SEZ6L: variants seen among roughly 807,000 people sequenced by gnomAD.
SEZ6L encodes the protein seizure related 6 homolog like.
SEZ6L carries 37 observed loss-of-function variants against 106.2 expected under a neutral mutation model. The observed-to-expected ratio is 0.35, with a 90% confidence interval of 0.27 to 0.46. SEZ6L has a LOEUF of 0.46. Among genes scored for constraint, SEZ6L ranks in the 20% least tolerant of loss-of-function variants. The probability of loss-of-function intolerance (pLI) is 1.00; values close to 1 mark genes in which losing one functional copy is unlikely to be tolerated. For synonymous variants in SEZ6L, 541 were observed against 570.4 expected (o/e 0.95, Z 0.73); for missense variants, 1,172 against 1,332.8 (o/e 0.88, Z 1.88).
At chr22:26,173,867 A>G (rs909127031) in intron 1 of SEZ6L, among the ~76,000 whole-genome samples, 2 of 152,042 alleles carry the variant, frequency 1.3e-5, no homozygotes, top group African/African-American at 4.8e-5. Flanking sequence ...AAATGAACTA[A>G]TCTTTATCAT....
Position 26,347,816 on chromosome 22 carries a change from C to G in SEZ6L, c.2310C>G (p.Thr770=), listed in dbSNP as rs1212606638. 4 of 1,607,864 alleles carry G rather than the reference C, an allele frequency of 2.5e-6. No individual in the cohort carries two copies. Among genetic ancestry groups the G allele is most frequent in the Non-Finnish European group, 3.4e-6 (4 of 1,177,962 alleles). The change falls in exon 11 of 17, where the codon ACC becomes ACG. Residue 770 remains threonine (T), a synonymous_variant. Coordinates refer to ENST00000248933, the MANE Select transcript of SEZ6L (RefSeq NM_021115.5). Reference sequence around the variant, plus strand: ...AGTTGGTGCGGGGAGCCAGAATCACCTACCAGTGTGACCCCGGCTATGACA... The same window carrying G: ...AGTTGGTGCGGGGAGCCAGAATCACGTACCAGTGTGACCCCGGCTATGACA... ...HTELVRGARI[T]YQCDPGYDIV... is the part of the protein sequence containing the mutation.
rs555813970 is a variant in SEZ6L at position 26,195,776 on chromosome 22, A to ATATATAGTG, written c.94+26015_94+26023dup. ...GTATATGTATAGTGTGTATGTACATATATATAGTGTGTGTATATATATATA... is the reference window on the plus strand; with the variant it reads ...GTATATGTATAGTGTGTATGTACATATATATAGTGTATATAGTGTGTGTATATATATATA... On this transcript the variant is annotated intron_variant, in intron 1 of 16. Coordinates refer to ENST00000248933, the MANE Select transcript of SEZ6L (RefSeq NM_021115.5). Among the ~76,000 whole-genome samples, 581 of 151,382 alleles carry ATATATAGTG rather than the reference A, an allele frequency of 3.8e-3. 8 individuals carry two copies. Among genetic ancestry groups the ATATATAGTG allele is most frequent in the South Asian group, 8.3e-3 (40 of 4,816 alleles).
chr22:26,196,710 A>G (rs1349785409), intron 1 of SEZ6L, among the ~76,000 whole-genome samples: 1 of 152,154 alleles, frequency 6.6e-6, no homozygotes, highest in Non-Finnish European at 1.5e-5. Context: ...TCAGTGAGGC[A>G]GACTGGTGGT....
intron 1 of SEZ6L, among the ~76,000 whole-genome samples, chr22:26,217,897 G>A (rs1007193053): frequency 6.6e-6 from 1 of 152,234 alleles, no homozygotes; most frequent in Non-Finnish European, 1.5e-5. Context: ...AATTCTGAAC[G>A]TAGAAGACAC....
At chr22:26,370,253 C>T (rs1353583223) in intron 13 of SEZ6L, among the ~76,000 whole-genome samples, 9 of 151,912 alleles carry the variant, frequency 5.9e-5, no homozygotes, top group African/African-American at 1.7e-4. Context: ...GGTGTGGTGG[C>T]GGGCGCCTGT....
chr22:26,375,069 C>A (rs1029993666), intron 14 of SEZ6L, among the ~76,000 whole-genome samples: 1 of 152,074 alleles, frequency 6.6e-6, no homozygotes, highest in Non-Finnish European at 1.5e-5. Flanking sequence ...CAGGTGAGCA[C>A]CAGGTCTGAG....
At chr22:26,308,028 G>A (rs1465994217) in intron 6 of SEZ6L, among the ~76,000 whole-genome samples, 2 of 152,070 alleles carry the variant, frequency 1.3e-5, no homozygotes, top group South Asian at 2.1e-4. Context: ...AGTTCATCAA[G>A]GTTAAAGGTC....
At chr22:26,270,616 C>T (rs1394327898) in intron 1 of SEZ6L, among the ~76,000 whole-genome samples, 1 of 152,008 alleles carries the variant, frequency 6.6e-6, no homozygotes, top group Non-Finnish European at 1.5e-5. Flanking sequence ...GGGAGAGGAC[C>T]CTTAGAGATT....
intron 1 of SEZ6L, among the ~76,000 whole-genome samples, chr22:26,201,515 T>G (rs1286466432): frequency 6.6e-6 from 1 of 151,708 alleles, no homozygotes; most frequent in Admixed American, 6.6e-5. Flanking sequence ...GAGCCAAGAT[T>G]GTGCCACTCT....
At chr22:26,292,037 ATGG>A (rs1569447259) in intron 1 of SEZ6L, among the ~76,000 whole-genome samples, 1,293 of 42,170 alleles carry the variant, frequency 0.031, 45 homozygotes, top group African/African-American at 0.091. Flanking sequence ...GGAAGGAAGG[ATGG>A]ATGGAAGGAA....
chr22:26,173,441 C>T (rs1938760239), intron 1 of SEZ6L, among the ~76,000 whole-genome samples: 1 of 152,196 alleles, frequency 6.6e-6, no homozygotes, highest in African/African-American at 2.4e-5. Flanking sequence ...CCTTCCCTTC[C>T]AAACTCTCAT....
intron 9 of SEZ6L, among the ~76,000 whole-genome samples, chr22:26,334,228 A>T (rs2145974929): frequency 6.6e-6 from 1 of 152,268 alleles, no homozygotes; most frequent in East Asian, 1.9e-4. Flanking sequence ...GTGCCAAAAC[A>T]TTTCCATCAC....
chr22:26,268,794 CA>C (rs2080270175), intron 1 of SEZ6L, among the ~76,000 whole-genome samples: 1 of 152,180 alleles, frequency 6.6e-6, no homozygotes, highest in Admixed American at 6.5e-5. Context: ...CCGACATTGC[CA>C]AATGTCCTCT....
intron 1 of SEZ6L, among the ~76,000 whole-genome samples, chr22:26,243,889 G>T (rs552547852): frequency 6.6e-6 from 1 of 152,040 alleles, no homozygotes; most frequent in African/African-American, 2.4e-5. Flanking sequence ...GAGACCTGGC[G>T]TGGTGGCTCA....
intron 1 of SEZ6L, among the ~76,000 whole-genome samples, chr22:26,170,625 A>G (rs948601954): frequency 6.6e-6 from 1 of 152,072 alleles, no homozygotes; most frequent in Non-Finnish European, 1.5e-5. Flanking sequence ...AGGAAAAGTT[A>G]TGGGTGGGGG....
Position 26,255,252 on chromosome 22 carries a change from G to A in SEZ6L, c.95-37154G>A, listed in dbSNP as rs892608016. 1.6e-4 allele frequency among the ~76,000 whole-genome samples: 25 copies of A among 152,226 alleles called. No individual in the cohort carries two copies. The East Asian group carries it at 2.7e-3, about 16-fold the overall frequency. On this transcript the variant is annotated intron_variant, in intron 1 of 16. Transcript: ENST00000248933. ...TGTGAAGGCATCTTAAGACTTATCC[G>A]TCTAAGGCCCAGGCATCTGCATTTA...
At chr22:26,231,290 A>G (rs1437456817) in intron 1 of SEZ6L, among the ~76,000 whole-genome samples, 2 of 152,168 alleles carry the variant, frequency 1.3e-5, no homozygotes, top group Admixed American at 1.3e-4. Context: ...ATGGAAAGGG[A>G]CAGTAACTTC....
At chr22:26,227,098 T>C (rs1398170326) in intron 1 of SEZ6L, among the ~76,000 whole-genome samples, 3 of 152,214 alleles carry the variant, frequency 2.0e-5, no homozygotes, top group Non-Finnish European at 2.9e-5. Flanking sequence ...TCTATTTTTG[T>C]TCCCCACGCA....
chr22:26,299,198 C>CTGAT (rs764551584), intron 5 of SEZ6L, 29 bp downstream of exon 5: 3 of 1,362,394 alleles, frequency 2.2e-6, no homozygotes, highest in South Asian at 2.0e-5. Context: ...CGGACCAAAC[C>CTGAT]TGATGGTCCA....
Sources: gnomAD v4.1 joint callset for allele counts (sites outside exome capture counted in the v4.1 genomes callset) on GRCh38, gnomAD v4.1.1 for gene constraint, MANE v1.5 for transcripts, NCBI Gene and HGNC (gene_info 2026-07-23, HGNC 2026-07-21) for gene names.